The following ARHGAP15 variants were observed in gnomAD, a reference collection of about 807,000 sequenced individuals.
ARHGAP15 encodes the protein rho GTPase-activating protein 15.
In ARHGAP15, 51 loss-of-function variants were observed where a neutral mutation model predicts 63.7. That is an observed-to-expected ratio of 0.80 (90% CI 0.64 to 1.01). ARHGAP15 has a LOEUF of 1.01. Ranked by LOEUF, ARHGAP15 falls within the 50% of genes least tolerant of loss-of-function variation. ARHGAP15 has a pLI of 0.00. For missense variants in ARHGAP15, 560 were observed against 564.6 expected (o/e 0.99, Z 0.08); for synonymous variants, 191 against 193.8 (o/e 0.99, Z 0.12).
At chr2:143,361,797 A>G (rs1398990026) in intron 6 of ARHGAP15, among the ~76,000 whole-genome samples, 1 of 152,160 alleles carries the variant, frequency 6.6e-6, no homozygotes, top group African/African-American at 2.4e-5. Flanking sequence ...ACCCACTCTA[A>G]GCCATTCTCC....
chr2:143,671,244 T>C (rs754638986), intron 12 of ARHGAP15, among the ~76,000 whole-genome samples: 12 of 152,158 alleles, frequency 7.9e-5, no homozygotes, highest in Non-Finnish European at 1.6e-4. Flanking sequence ...TTAGGCTTTT[T>C]TAATTAGTTT....
intron 13 of ARHGAP15, among the ~76,000 whole-genome samples, chr2:143,751,615 T>C (rs779282795): frequency 3.3e-5 from 5 of 152,074 alleles, no homozygotes; most frequent in African/African-American, 7.2e-5. Flanking sequence ...CATCCTCCAC[T>C]CTCTATTCGA....
chr2:143,188,534 C>G (rs1297695531), intron 2 of ARHGAP15, among the ~76,000 whole-genome samples: 5 of 151,522 alleles, frequency 3.3e-5, no homozygotes, highest in Non-Finnish European at 5.9e-5. Context: ...GCTCTATTGG[C>G]CTAACACGCA....
intron 8 of ARHGAP15, among the ~76,000 whole-genome samples, chr2:143,467,707 T>C (rs140946980): frequency 0.013 from 1,986 of 152,230 alleles, 19 homozygotes; most frequent in Non-Finnish European, 0.019. Flanking sequence ...ATAGATCTTA[T>C]AGACACAACT....
intron 3 of ARHGAP15, among the ~76,000 whole-genome samples, chr2:143,214,182 G>A (rs1428517435): frequency 5.9e-5 from 9 of 152,110 alleles, no homozygotes; most frequent in South Asian, 2.1e-4. Context: ...AGCAGAGAAC[G>A]CATGCATCAA....
intron 6 of ARHGAP15, among the ~76,000 whole-genome samples, chr2:143,433,356 G>A (rs1689470282): frequency 6.6e-6 from 1 of 151,986 alleles, no homozygotes; most frequent in African/African-American, 2.4e-5. Context: ...CAGACTGCCT[G>A]GTAACTCGAA....
At chr2:143,520,410 C>G (rs1270180375) in intron 10 of ARHGAP15, among the ~76,000 whole-genome samples, 1 of 152,022 alleles carries the variant, frequency 6.6e-6, no homozygotes, top group African/African-American at 2.4e-5. Context: ...CTATTATTCC[C>G]CTATCAGTAG....
At chr2:143,732,100 T>C (rs1685562467) in intron 13 of ARHGAP15, among the ~76,000 whole-genome samples, 2 of 152,242 alleles carry the variant, frequency 1.3e-5, no homozygotes, top group South Asian at 4.1e-4. Context: ...ACCTGTTCCT[T>C]TCACCAATTT....
At chr2:143,471,199 T>C (rs78969959) in intron 8 of ARHGAP15, among the ~76,000 whole-genome samples, 3,144 of 141,172 alleles carry the variant, frequency 0.022, 47 homozygotes, top group Non-Finnish European at 0.032. Context: ...TATACACACA[T>C]ATATGTGTGT....
chr2:143,684,476 AC>A (rs1439452205), intron 12 of ARHGAP15, among the ~76,000 whole-genome samples: 2 of 151,850 alleles, frequency 1.3e-5, no homozygotes, highest in African/African-American at 2.4e-5. Context: ...CTCAGCAAAA[AC>A]AAAAAAAAAA....
At chr2:143,654,518 C>A (rs1444528244) in intron 12 of ARHGAP15, among the ~76,000 whole-genome samples, 2 of 152,160 alleles carry the variant, frequency 1.3e-5, no homozygotes, top group South Asian at 2.1e-4. Flanking sequence ...AATATGAAAT[C>A]TTTTGGTATT....
chr2:143,352,935 A>G (rs950072390), intron 6 of ARHGAP15, among the ~76,000 whole-genome samples: 9 of 152,204 alleles, frequency 5.9e-5, no homozygotes, highest in African/African-American at 1.9e-4. Flanking sequence ...TTGCATCATC[A>G]TTATCAAAAC....
intron 6 of ARHGAP15, among the ~76,000 whole-genome samples, chr2:143,410,617 G>A (rs1175168465): frequency 1.3e-5 from 2 of 152,068 alleles, no homozygotes; most frequent in African/African-American, 2.4e-5. Context: ...ATACAGAAAA[G>A]GACTCTGCTC....
chr2:143,321,279 T>G (rs1424508268), intron 6 of ARHGAP15, among the ~76,000 whole-genome samples: 1 of 152,232 alleles, frequency 6.6e-6, no homozygotes, highest in East Asian at 1.9e-4. Context: ...ATGGAAAGTA[T>G]AGGACCTTTT....
intron 12 of ARHGAP15, among the ~76,000 whole-genome samples, chr2:143,626,696 G>T (rs573677886): frequency 6.6e-6 from 1 of 152,154 alleles, no homozygotes; most frequent in Admixed American, 6.5e-5. Context: ...CTGCTGATTG[G>T]TGCATTTTAC....
At chr2:143,233,935 G>A (rs1055402982) in intron 5 of ARHGAP15, among the ~76,000 whole-genome samples, 5 of 151,998 alleles carry the variant, frequency 3.3e-5, no homozygotes, top group South Asian at 4.1e-4. Context: ...GTCAGCCACC[G>A]CACCAGGCCC....
At chr2:143,658,489 G>T (rs1238601637) in intron 12 of ARHGAP15, among the ~76,000 whole-genome samples, 3 of 152,256 alleles carry the variant, frequency 2.0e-5, no homozygotes, top group African/African-American at 4.8e-5. Flanking sequence ...GTTGGATAGG[G>T]TTTAGCTGTA....
intron 6 of ARHGAP15, among the ~76,000 whole-genome samples, chr2:143,254,999 ATTAT>A (rs1317692043): frequency 6.6e-6 from 1 of 152,126 alleles, no homozygotes; most frequent in Non-Finnish European, 1.5e-5. Flanking sequence ...ATAAGACAGC[ATTAT>A]TTATTTAAGA....
intron 11 of ARHGAP15, chr2:143,607,068 T>C (rs1698065901): frequency 6.6e-6 from 1 of 152,212 alleles, no homozygotes; most frequent in African/African-American, 2.4e-5. Context: ...CCCAGTGAAA[T>C]GTCAGTTGTT....
Sources: gnomAD v4.1 joint callset for allele counts (sites outside exome capture counted in the v4.1 genomes callset) on GRCh38, gnomAD v4.1.1 for gene constraint, MANE v1.5 for transcripts, NCBI Gene and HGNC (gene_info 2026-07-23, HGNC 2026-07-21) for gene names.